The following SPAG16 variants were observed in gnomAD, a reference collection of about 807,000 sequenced individuals.
SPAG16 encodes sperm associated antigen 16.
Under a neutral mutation model 80.4 loss-of-function variants are expected in SPAG16, and 86 were observed. The ratio of observed to expected loss-of-function variants is 1.07; its 90% CI spans 0.90 to 1.28. The LOEUF (loss-of-function observed/expected upper bound fraction) is 1.28. SPAG16 is among the 50% of genes most tolerant of loss of function. SPAG16 has a pLI of 0.00. For synonymous variants in SPAG16, 294 were observed against 265.9 expected (o/e 1.11, Z -1.03); for missense variants, 870 against 765.3 (o/e 1.14, Z -1.61).
intron 12 of SPAG16, among the ~76,000 whole-genome samples, chr2:213,994,763 C>T (rs1575764338): frequency 1.3e-5 from 2 of 151,928 alleles, no homozygotes; most frequent in East Asian, 3.9e-4. Context: ...ATATGCTTTC[C>T]TTAAATGTAT....
At chr2:213,388,136 G>A (rs2067548018) in intron 9 of SPAG16, among the ~76,000 whole-genome samples, 1 of 152,164 alleles carries the variant, frequency 6.6e-6, no homozygotes, top group Non-Finnish European at 1.5e-5. Flanking sequence ...CCCTAGCTCT[G>A]TGGCAGGCAG....
chr2:214,078,215 G>A (rs1386305885), intron 13 of SPAG16, among the ~76,000 whole-genome samples: 1 of 152,018 alleles, frequency 6.6e-6, no homozygotes, highest in Non-Finnish European at 1.5e-5. Context: ...CGTTAGGAGA[G>A]AGACCCCAAA....
chr2:214,297,812 G>C (rs915016248), intron 15 of SPAG16, among the ~76,000 whole-genome samples: 1 of 146,338 alleles, frequency 6.8e-6, no homozygotes, highest in Non-Finnish European at 1.5e-5. Context: ...GATTGCTTGG[G>C]CTATTTGGCT....
intron 10 of SPAG16, among the ~76,000 whole-genome samples, chr2:213,576,885 A>G (rs537906559): frequency 6.6e-6 from 1 of 152,162 alleles, no homozygotes; most frequent in East Asian, 1.9e-4. Context: ...GAAATAACAA[A>G]TGGGTATGAG....
chr2:214,042,125 G>A (rs1424693420), intron 13 of SPAG16, among the ~76,000 whole-genome samples: 1 of 143,818 alleles, frequency 7.0e-6, no homozygotes, highest in East Asian at 2.1e-4. Flanking sequence ...TCTCTCTGTT[G>A]CCCAGACTGA....
chr2:214,160,675 A>T (rs1306060024), intron 15 of SPAG16, among the ~76,000 whole-genome samples: 1 of 151,760 alleles, frequency 6.6e-6, no homozygotes, highest in Non-Finnish European at 1.5e-5. Context: ...TATATAGAGA[A>T]AATTATTCTG....
chr2:213,414,873 C>G (rs2069165357), intron 9 of SPAG16, among the ~76,000 whole-genome samples: 1 of 152,298 alleles, frequency 6.6e-6, no homozygotes, highest in Middle Eastern at 3.4e-3. Context: ...TTGCTTCATT[C>G]TTGGTAGAAT....
chr2:213,924,354 T>C (rs753799091), intron 11 of SPAG16, among the ~76,000 whole-genome samples: 5 of 152,172 alleles, frequency 3.3e-5, no homozygotes, highest in Admixed American at 6.5e-5. Flanking sequence ...ATGAATCTCC[T>C]GGGGAGCTCT....
At chr2:214,172,817 A>T (rs1240713611) in intron 15 of SPAG16, among the ~76,000 whole-genome samples, 3 of 151,974 alleles carry the variant, frequency 2.0e-5, no homozygotes, top group African/African-American at 7.3e-5. Flanking sequence ...ATGGTATCTC[A>T]TTGTGGTTTT....
intron 15 of SPAG16, among the ~76,000 whole-genome samples, chr2:214,156,594 A>G (rs961724317): frequency 6.6e-6 from 1 of 152,164 alleles, no homozygotes; most frequent in African/African-American, 2.4e-5. Context: ...CCTGGACAAC[A>G]TAGCAAGATT....
intron 10 of SPAG16, among the ~76,000 whole-genome samples, chr2:213,708,868 A>C (rs2065865288): frequency 1.3e-5 from 2 of 152,178 alleles, no homozygotes; most frequent in Non-Finnish European, 2.9e-5. Context: ...AGAAGGGGAT[A>C]GTTCATGTCC....
intron 9 of SPAG16, among the ~76,000 whole-genome samples, chr2:213,405,195 C>A (rs967207354): frequency 6.6e-6 from 1 of 152,102 alleles, no homozygotes; most frequent in African/African-American, 2.4e-5. Context: ...AGTATGTAGT[C>A]TTACATATTG....
chr2:214,135,964 G>C (rs2055032488), intron 14 of SPAG16, among the ~76,000 whole-genome samples: 1 of 152,134 alleles, frequency 6.6e-6, no homozygotes, highest in Non-Finnish European at 1.5e-5. Context: ...AAGAAGTATG[G>C]TGCTGTCATC....
chr2:214,367,413 G>A (rs1000499238), intron 15 of SPAG16, among the ~76,000 whole-genome samples: 4 of 152,126 alleles, frequency 2.6e-5, no homozygotes, highest in Non-Finnish European at 4.4e-5. Context: ...TCTGGTATGA[G>A]AGGGAGGAAG....
At chr2:213,978,438 A>T (rs772639702) in intron 12 of SPAG16, among the ~76,000 whole-genome samples, 1 of 152,098 alleles carries the variant, frequency 6.6e-6, no homozygotes, top group Non-Finnish European at 1.5e-5. Context: ...TTTTGCTAAC[A>T]GTCTGTTCGA....
chr2:213,990,426 C>T (rs899842643), intron 12 of SPAG16, among the ~76,000 whole-genome samples: 4 of 152,042 alleles, frequency 2.6e-5, no homozygotes, highest in Non-Finnish European at 5.9e-5. Context: ...CATTCCCAAA[C>T]CTTAGCTACT....
At chr2:213,731,349 G>A (rs1024309370) in intron 10 of SPAG16, among the ~76,000 whole-genome samples, 4 of 151,554 alleles carry the variant, frequency 2.6e-5, no homozygotes, top group African/African-American at 7.3e-5. Context: ...TAGTAGAGAC[G>A]GGGTTTCACC....
At chr2:213,654,489 G>T (rs1197157119) in intron 10 of SPAG16, among the ~76,000 whole-genome samples, 2 of 129,644 alleles carry the variant, frequency 1.5e-5, no homozygotes, top group African/African-American at 2.9e-5. Context: ...AAGGTCAGAA[G>T]ATCGAGACCA....
At chr2:213,353,411 TAC>T (rs2065446373) in intron 7 of SPAG16, among the ~76,000 whole-genome samples, 1 of 152,236 alleles carries the variant, frequency 6.6e-6, no homozygotes, top group Non-Finnish European at 1.5e-5. Context: ...AGGGTCCATC[TAC>T]ACAGATATAC....
Sources: gnomAD v4.1 joint callset for allele counts (sites outside exome capture counted in the v4.1 genomes callset) on GRCh38, gnomAD v4.1.1 for gene constraint, MANE v1.5 for transcripts, NCBI Gene and HGNC (gene_info 2026-07-23, HGNC 2026-07-21) for gene names.